Variants in SHISA9 observed in about 807,000 individuals in gnomAD.
The protein encoded by SHISA9 is protein shisa-9.
Under a neutral mutation model 38.0 loss-of-function variants are expected in SHISA9, and 13 were observed. That is an observed-to-expected ratio of 0.34 (90% CI 0.22 to 0.54). The LOEUF (loss-of-function observed/expected upper bound fraction) is 0.54. Among genes scored for constraint, SHISA9 ranks in the 20% least tolerant of loss-of-function variants. The probability of loss-of-function intolerance (pLI) is 0.91; values close to 1 mark genes in which losing one functional copy is unlikely to be tolerated. For missense variants in SHISA9, 538 were observed against 575.8 expected (o/e 0.93, Z 0.67); for synonymous variants, 275 against 242.0 (o/e 1.14, Z -1.27).
chr16:13,309,786 C>G, the SHISA9 span, among the ~76,000 whole-genome samples: 14 of 152,066 alleles, frequency 9.2e-5, no homozygotes, highest in Non-Finnish European at 1.5e-4. Context: ...TGACCACACT[C>G]TTGGGAACAC....
chr16:13,368,019 T>C, the SHISA9 span, among the ~76,000 whole-genome samples: 2 of 152,194 alleles, frequency 1.3e-5, no homozygotes, highest in East Asian at 1.9e-4. Context: ...ACTCGTCATC[T>C]AGCATTAGGT....
the SHISA9 span, among the ~76,000 whole-genome samples, chr16:13,359,997 A>T: frequency 6.6e-6 from 1 of 152,184 alleles, no homozygotes; most frequent in African/African-American, 2.4e-5. Flanking sequence ...CTGAGGGACT[A>T]TGGAAAGCCG....
chr16:13,555,636 C>G, the SHISA9 span, among the ~76,000 whole-genome samples: 5 of 152,112 alleles, frequency 3.3e-5, no homozygotes, highest in Admixed American at 3.3e-4. Context: ...GTTCCCCACT[C>G]CACCCAAAGT....
intron 2 of SHISA9, among the ~76,000 whole-genome samples, chr16:13,158,754 T>C (rs1202679555): frequency 6.6e-6 from 1 of 152,068 alleles, no homozygotes; most frequent in Non-Finnish European, 1.5e-5. Flanking sequence ...GTGATGAAGA[T>C]GATTTTAAAA....
chr16:13,524,268 G>C, the SHISA9 span, among the ~76,000 whole-genome samples: 1 of 152,070 alleles, frequency 6.6e-6, no homozygotes, highest in Non-Finnish European at 1.5e-5. Context: ...TGGTTTCTTG[G>C]GCTGGACTCC....
At chr16:12,921,156 G>A (rs2071323105) in intron 2 of SHISA9, among the ~76,000 whole-genome samples, 1 of 152,156 alleles carries the variant, frequency 6.6e-6, no homozygotes, top group Admixed American at 6.5e-5. Flanking sequence ...TTGAAACCGG[G>A]TTATGCGATA....
chr16:13,496,373 C>G, the SHISA9 span, among the ~76,000 whole-genome samples: 1 of 151,988 alleles, frequency 6.6e-6, no homozygotes, highest in Non-Finnish European at 1.5e-5. Context: ...CAATAAGGCA[C>G]TTGATAACTC....
At chr16:12,968,386 A>G (rs118108615) in intron 2 of SHISA9, among the ~76,000 whole-genome samples, 200 of 152,202 alleles carry the variant, frequency 1.3e-3, no homozygotes, top group South Asian at 4.6e-3. Context: ...GTGAATAAAT[A>G]AATTATGGTC....
the SHISA9 span, among the ~76,000 whole-genome samples, chr16:13,323,108 TG>T: frequency 1.2e-4 from 18 of 152,172 alleles, no homozygotes; most frequent in Non-Finnish European, 2.2e-4. Context: ...CTTTCAAAAA[TG>T]GGGGTGATAA....
intron 2 of SHISA9, among the ~76,000 whole-genome samples, chr16:12,922,791 A>T (rs2071344422): frequency 6.7e-6 from 1 of 150,082 alleles, no homozygotes; most frequent in African/African-American, 2.5e-5. Flanking sequence ...AAGTGCTGGG[A>T]TTACAGGTGT....
intron 2 of SHISA9, among the ~76,000 whole-genome samples, chr16:13,144,966 A>T (rs985716438): frequency 3.9e-5 from 6 of 152,218 alleles, no homozygotes; most frequent in African/African-American, 1.4e-4. Flanking sequence ...CTGCAAGAAG[A>T]TAGAGCTTTT....
chr16:13,424,811 G>A, the SHISA9 span, among the ~76,000 whole-genome samples: 1 of 152,208 alleles, frequency 6.6e-6, no homozygotes, highest in Non-Finnish European at 1.5e-5. Context: ...ATCAGCCTTT[G>A]ATTGCTTCTG....
chr16:13,031,868 G>A (rs1877236719), intron 2 of SHISA9, among the ~76,000 whole-genome samples: 1 of 152,108 alleles, frequency 6.6e-6, no homozygotes, highest in African/African-American at 2.4e-5. Flanking sequence ...ATAGGCAAAT[G>A]CAGAAAACTG....
At chr16:12,999,296 C>T (rs2072495819) in intron 2 of SHISA9, among the ~76,000 whole-genome samples, 1 of 152,138 alleles carries the variant, frequency 6.6e-6, no homozygotes, top group African/African-American at 2.4e-5. Context: ...ATGAAAAGGA[C>T]ACTTGTTTAC....
intron 2 of SHISA9, among the ~76,000 whole-genome samples, chr16:13,152,651 A>C (rs1332237765): frequency 6.6e-6 from 1 of 152,190 alleles, no homozygotes; most frequent in Admixed American, 6.5e-5. Flanking sequence ...ATCTTGGGTC[A>C]CATGTCCAGT....
the SHISA9 span, among the ~76,000 whole-genome samples, chr16:13,259,712 C>T: frequency 2.0e-5 from 3 of 152,210 alleles, no homozygotes; most frequent in Non-Finnish European, 2.9e-5. Flanking sequence ...TCTGAAGCCA[C>T]GGTCCAAGCC....
chr16:12,930,993 C>T (rs2071454741), intron 2 of SHISA9, among the ~76,000 whole-genome samples: 1 of 152,106 alleles, frequency 6.6e-6, no homozygotes, highest in African/African-American at 2.4e-5. Context: ...CAAAAATACC[C>T]CAAATGTGTT....
At chr16:13,188,430 T>G (rs1417154829) in intron 2 of SHISA9, among the ~76,000 whole-genome samples, 1 of 151,926 alleles carries the variant, frequency 6.6e-6, no homozygotes, top group East Asian at 1.9e-4. Flanking sequence ...CAGAAAGGTG[T>G]GGGGAGGCTG....
chr16:12,934,995 C>A (rs919094340), intron 2 of SHISA9, among the ~76,000 whole-genome samples: 7 of 82,294 alleles, frequency 8.5e-5, no homozygotes, highest in African/African-American at 2.7e-4. Context: ...AGCTCTCCTG[C>A]TGATATGAAT....
Sources: gnomAD v4.1 joint callset for allele counts (sites outside exome capture counted in the v4.1 genomes callset) on GRCh38, gnomAD v4.1.1 for gene constraint, MANE v1.5 for transcripts, NCBI Gene and HGNC (gene_info 2026-07-23, HGNC 2026-07-21) for gene names.